The following LRMDA variants were observed in gnomAD, a reference collection of about 807,000 sequenced individuals.
LRMDA encodes leucine rich melanocyte differentiation associated, also known as leucine-rich melanocyte differentiation-associated protein.
Under a neutral mutation model 29.8 loss-of-function variants are expected in LRMDA, and 18 were observed. The observed-to-expected ratio is 0.60, with a 90% CI of 0.42 to 0.90. The LOEUF is 0.90. Ranked by LOEUF, LRMDA falls within the 40% of genes least tolerant of loss-of-function variation. The pLI, the probability that LRMDA is intolerant of heterozygous loss-of-function variation, is 0.00. For missense variants in LRMDA, 273 were observed against 273.9 expected (o/e 1.00, Z 0.02); for synonymous variants, 125 against 109.4 (o/e 1.14, Z -0.89).
At chr10:76,159,007 A>T (rs1444148698) in intron 5 of LRMDA, among the ~76,000 whole-genome samples, 1 of 152,180 alleles carries the variant, frequency 6.6e-6, no homozygotes, top group African/African-American at 2.4e-5. Context: ...AATAAAACTT[A>T]AAGAAAATCA....
At chr10:75,742,377 G>GGA (rs1194838717) in intron 2 of LRMDA, among the ~76,000 whole-genome samples, 1 of 152,176 alleles carries the variant, frequency 6.6e-6, no homozygotes, top group East Asian at 1.9e-4. Context: ...TCAACAAGAT[G>GGA]GAGAGAGAGG....
chr10:75,454,473 C>T (rs561605515), intron 2 of LRMDA, among the ~76,000 whole-genome samples: 13 of 152,124 alleles, frequency 8.5e-5, no homozygotes, highest in African/African-American at 1.2e-4. Flanking sequence ...TCTGGGGTAT[C>T]GTTTTCCGAG....
chr10:76,269,043 TTA>T (rs1840037349), intron 5 of LRMDA, among the ~76,000 whole-genome samples: 1 of 152,110 alleles, frequency 6.6e-6, no homozygotes, highest in South Asian at 2.1e-4. Context: ...CACCGAATAT[TTA>T]TATATCTATT....
intron 2 of LRMDA, among the ~76,000 whole-genome samples, chr10:75,630,934 G>A (rs1841313990): frequency 6.6e-6 from 1 of 152,170 alleles, no homozygotes; most frequent in African/African-American, 2.4e-5. Context: ...TGGCTATGTG[G>A]ATATAAACAT....
intron 6 of LRMDA, among the ~76,000 whole-genome samples, chr10:76,455,695 G>C (rs1410427233): frequency 6.6e-6 from 1 of 152,196 alleles, no homozygotes; most frequent in Non-Finnish European, 1.5e-5. Flanking sequence ...GCAGATGAAA[G>C]CATAAAAATT....
At chr10:75,830,795 C>T (rs764039753) in intron 2 of LRMDA, among the ~76,000 whole-genome samples, 1 of 152,190 alleles carries the variant, frequency 6.6e-6, no homozygotes, top group Non-Finnish European at 1.5e-5. Context: ...CCAACCATGC[C>T]TTCCCAACAG....
At chr10:76,195,438 A>G (rs1851316542) in intron 5 of LRMDA, among the ~76,000 whole-genome samples, 2 of 152,168 alleles carry the variant, frequency 1.3e-5, no homozygotes, top group Admixed American at 1.3e-4. Flanking sequence ...AGCACCTTTG[A>G]TTGCCCCATA....
intron 2 of LRMDA, among the ~76,000 whole-genome samples, chr10:75,928,464 A>G (rs1214144029): frequency 2.0e-5 from 3 of 152,146 alleles, no homozygotes; most frequent in Admixed American, 6.6e-5. Flanking sequence ...ACATTTGGCA[A>G]CCACGCTTCT....
intron 2 of LRMDA, among the ~76,000 whole-genome samples, chr10:75,764,452 C>T (rs1843135385): frequency 1.3e-5 from 2 of 152,126 alleles, no homozygotes; most frequent in South Asian, 2.1e-4. Flanking sequence ...TTTAGATTCT[C>T]GTAATTTTCC....
intron 6 of LRMDA, among the ~76,000 whole-genome samples, chr10:76,445,001 C>T (rs973594943): frequency 2.6e-5 from 4 of 151,974 alleles, no homozygotes; most frequent in African/African-American, 4.8e-5. Context: ...GTATTCCCAT[C>T]GTATGTGCAT....
intron 2 of LRMDA, among the ~76,000 whole-genome samples, chr10:75,756,733 T>C (rs1429389876): frequency 6.6e-6 from 1 of 152,194 alleles, no homozygotes; most frequent in Non-Finnish European, 1.5e-5. Flanking sequence ...TGGGCTGGTA[T>C]CACATGTGGG....
In LRMDA at chr10:76,017,843, C is replaced by A. The variant is rs1020268963; in HGVS notation, c.132-18165C>A. 2.6e-5 allele frequency among the ~76,000 whole-genome samples: 4 copies of A among 152,150 alleles called. No homozygotes were observed. The East Asian group carries it at 7.7e-4, about 29-fold the overall frequency. On this transcript the variant is annotated intron_variant, in intron 2 of 6. Coordinates refer to ENST00000611255, the MANE Select transcript of LRMDA (RefSeq NM_001305581.2). ...CAAACACATCTGTGAAAGTTCAGGGCCCCTGAGAGCTAATGAGAGCTGAAG... is the reference window on the plus strand; with the variant it reads ...CAAACACATCTGTGAAAGTTCAGGGACCCTGAGAGCTAATGAGAGCTGAAG...
chr10:75,500,738 GGGGGA>G (rs1240460224), intron 2 of LRMDA, among the ~76,000 whole-genome samples: 2 of 152,128 alleles, frequency 1.3e-5, no homozygotes, highest in Non-Finnish European at 2.9e-5. Context: ...AGTGTACGAA[GGGGGA>G]AGAGCCCTAT....
chr10:76,554,897 G>GTGGTGT (rs1258463774), intron 6 of LRMDA, among the ~76,000 whole-genome samples: 9 of 146,606 alleles, frequency 6.1e-5, no homozygotes, highest in South Asian at 2.2e-4. Flanking sequence ...GTGTGTGTGT[G>GTGGTGT]GTGTGTGTGT....
chr10:75,455,169 T>A (rs952364271), intron 2 of LRMDA, among the ~76,000 whole-genome samples: 20 of 152,324 alleles, frequency 1.3e-4, no homozygotes, highest in African/African-American at 4.3e-4. Context: ...GGCAATAGAC[T>A]AATCCTTTGA....
chr10:76,348,179 A>G (rs1841132175), intron 6 of LRMDA, among the ~76,000 whole-genome samples: 1 of 152,168 alleles, frequency 6.6e-6, no homozygotes, highest in African/African-American at 2.4e-5. Context: ...CGAGGAAAGT[A>G]CACAGTTATC....
intron 6 of LRMDA, among the ~76,000 whole-genome samples, chr10:76,435,767 C>A (rs1564541027): frequency 6.6e-6 from 1 of 152,246 alleles, no homozygotes; most frequent in East Asian, 1.9e-4. Flanking sequence ...CATAGCAGTT[C>A]TCAGAAGACA....
At chr10:76,045,049 C>T (rs1037421983) in intron 3 of LRMDA, among the ~76,000 whole-genome samples, 2 of 145,770 alleles carry the variant, frequency 1.4e-5, no homozygotes, top group African/African-American at 5.1e-5. Flanking sequence ...CCTTCTCTTG[C>T]TAGTTTTTCC....
intron 2 of LRMDA, among the ~76,000 whole-genome samples, chr10:75,806,336 G>A (rs779516641): frequency 3.0e-4 from 45 of 152,216 alleles, no homozygotes; most frequent in Non-Finnish European, 1.6e-4. Context: ...CATGGAATGC[G>A]TCAGCATTCT....
Sources: allele counts gnomAD v4.1 joint callset (sites outside exome capture counted in the v4.1 genomes callset), GRCh38; gene constraint gnomAD v4.1.1; transcripts MANE v1.5; gene names NCBI Gene and HGNC (gene_info 2026-07-23, HGNC 2026-07-21).